Variants in EOLA2 observed in about 807,000 individuals in gnomAD.
EOLA2 encodes endothelium and lymphocyte associated ASCH domain 2.
Under a neutral mutation model 4.1 loss-of-function variants are expected in EOLA2, and 3 were observed. The observed-to-expected ratio is 0.73, with a 90% CI of 0.33 to 1.89. The LOEUF (loss-of-function observed/expected upper bound fraction) is 1.89. Among genes scored for constraint, EOLA2 ranks in the 40% most tolerant of loss-of-function variants. EOLA2 has a pLI of 0.08. For missense variants in EOLA2, 109 were observed against 126.4 expected (o/e 0.86, Z 0.66); for synonymous variants, 52 against 51.7 (o/e 1.01, Z -0.03).
intron 2 of EOLA2, among the ~76,000 whole-genome samples, chrX:149,936,722 C>T (rs1280240135): frequency 6.3e-5 from 7 of 110,793 alleles, no homozygotes; most frequent in Non-Finnish European, 1.1e-4. Flanking sequence ...TAAGCCAGCC[C>T]CTTTATGGTC....
In EOLA2 at chrX:149,938,483, TAC is replaced by T. The variant is rs1219473600; in HGVS notation, c.-503_-502del. On this transcript the variant is annotated 5_prime_UTR_variant, in exon 1 of 5. Transcript: ENST00000370406. ...CCCGTCGTCCCTTTCATGAGGAACG[TAC>T]GTGTGCGCGTAATCACGCACGTACG... The T allele has an allele frequency of 4.4e-5, 5 of 112,701 alleles. No homozygotes were observed. The highest frequency in any genetic ancestry group is 1.6e-4 in the African/African-American group (5 of 30,991). The allele number at this position is 112,701 out of a possible 1,213,427, so 9.3% of individuals were successfully genotyped here. A position where few individuals can be genotyped will look rare whatever the true frequency, so the allele number is the denominator to read the frequency against.
intron 1 of EOLA2, among the ~76,000 whole-genome samples, chrX:149,937,871 G>C (rs2124225512): frequency 8.9e-6 from 1 of 112,873 alleles, no homozygotes; most frequent in East Asian, 2.8e-4. Context: ...CTGAGCACGG[G>C]GCCACAGGCC....
At chrX:149,930,440 C>T (rs2124126571), downstream of EOLA2, 2 of 375,361 alleles carry the variant, frequency 5.3e-6, no homozygotes, top group East Asian at 9.6e-5. Context: ...AATTGTTTAT[C>T]TTTAGTCAGG....
intron 4 of EOLA2, among the ~76,000 whole-genome samples, chrX:149,933,319 G>A (rs1557374923): frequency 9.5e-6 from 1 of 105,188 alleles, no homozygotes. Flanking sequence ...ACATGTATGT[G>A]CAAATACACA....
rs192547181 is a variant in EOLA2, at chrX:149,932,536, C to T, written c.*8G>A. 5.0e-6 allele frequency: 6 copies of T among 1,199,284 alleles called. No individual in the cohort carries two copies. In the East Asian group the frequency reaches 1.8e-4, roughly 36 times the overall value. On this transcript the variant is annotated 3_prime_UTR_variant, in exon 5 of 5. Transcript: ENST00000370406. ...CTCTGGAACATTCCTTTCAGGAGCC[C>T]ACACTTGTCACACTTCATGCCCCAA... is the stretch of plus-strand genomic sequence containing the variant.
intron 2 of EOLA2, among the ~76,000 whole-genome samples, chrX:149,936,065 T>C (rs1160280565): frequency 9.8e-6 from 1 of 101,683 alleles, no homozygotes; most frequent in Non-Finnish European, 2.0e-5. Context: ...GGAATGATCT[T>C]GGTACAGGGA....
At position 149,938,442 on chromosome X, in the gene EOLA2, C is replaced by T. The variant is rs1557376840; in HGVS notation, c.-460G>A. 2 of 112,917 alleles carry T rather than the reference C, an allele frequency of 1.8e-5. No homozygotes were observed. The highest frequency in any genetic ancestry group is 3.8e-5 in the Non-Finnish European group (2 of 53,310). The allele number at this position is 112,917 out of a possible 1,213,427, so 9.3% of individuals were successfully genotyped here. A position where few individuals can be genotyped will look rare whatever the true frequency, so the allele number is the denominator to read the frequency against. On this transcript the variant is annotated 5_prime_UTR_variant, in exon 1 of 5. Transcript: ENST00000370406. ...GACAGATGCTAGCGGTCCATAACTT[C>T]GGCTTTCATGCAGCTCCCGTCGTCC...
intron 2 of EOLA2, among the ~76,000 whole-genome samples, chrX:149,935,709 C>T (rs1439393823): frequency 2.4e-4 from 25 of 104,774 alleles, no homozygotes; most frequent in African/African-American, 8.9e-4. Context: ...CAGGCCACCC[C>T]CCTTCAGACT....
At chrX:149,936,011 C>A (rs1423766660) in intron 2 of EOLA2, among the ~76,000 whole-genome samples, 5 of 90,121 alleles carry the variant, frequency 5.5e-5, no homozygotes, top group Admixed American at 1.2e-4. Flanking sequence ...CCCCCACCCC[C>A]CCCCAGCACT....
At chrX:149,937,134 G>A (rs374849400) in intron 2 of EOLA2, among the ~76,000 whole-genome samples, 1 of 109,815 alleles carries the variant, frequency 9.1e-6, no homozygotes, top group East Asian at 2.8e-4. Context: ...CACACTTGTG[G>A]CCCCTGAGCA....
intron 2 of EOLA2, among the ~76,000 whole-genome samples, chrX:149,934,925 A>T (rs1157333990): frequency 8.9e-6 from 1 of 112,118 alleles, no homozygotes; most frequent in African/African-American, 3.2e-5. Flanking sequence ...CAGTTTCCAC[A>T]TGGCTGTGAG....
downstream of EOLA2, chrX:149,931,004 A>G: frequency 1.1e-6 from 1 of 936,484 alleles, no homozygotes; most frequent in Middle Eastern, 4.5e-4. Context: ...TTACTCAGAT[A>G]ATGGTAGTGT....
chrX:149,932,532 A>G lies in EOLA2; in HGVS notation c.*12T>C. ...GTTTCTCTGGAACATTCCTTTCAGG[A>G]GCCCACACTTGTCACACTTCATGCC... is the stretch of plus-strand genomic sequence containing the variant. On this transcript the variant is annotated 3_prime_UTR_variant, in exon 5 of 5. Transcript: ENST00000370406. 1 of 1,202,332 alleles carries G rather than the reference A, an allele frequency of 8.3e-7. No individual in the cohort carries two copies. The highest frequency in any genetic ancestry group is 1.1e-6 in the Non-Finnish European group (1 of 890,417).
Position 149,933,915 on chromosome X carries a change from C to G in EOLA2, c.-29-12G>C, listed in dbSNP as rs782813556. The stretch of plus-strand genomic sequence containing the variant: ...GGGCCTCCCGTAGCCTGCGGAAGCA[C>G]AGAAGCGCATCACACGCCAGCCCTT... On this transcript the variant is annotated splice_polypyrimidine_tract_variant and intron_variant, in intron 3 of 4. Transcript: ENST00000370406. The G allele has an allele frequency of 1.3e-4, 155 of 1,186,987 alleles. 1 individual carries two copies. In the Middle Eastern group the frequency reaches 2.9e-3, roughly 22 times the overall value.
chrX:149,930,838 C>T, downstream of EOLA2: 1 of 773,921 alleles, frequency 1.3e-6, no homozygotes, highest in East Asian at 4.4e-5. Context: ...GGCGCTCTGG[C>T]ATGTGGTCCA....
intron 2 of EOLA2, chrX:149,934,626 T>C: frequency 1.3e-6 from 1 of 753,089 alleles, no homozygotes. Flanking sequence ...CACACATGCC[T>C]TCCACGTGCC....
intron 2 of EOLA2, among the ~76,000 whole-genome samples, chrX:149,935,176 C>G (rs782088560): frequency 1.2e-5 from 1 of 86,634 alleles, no homozygotes. Context: ...CCTGATAGGG[C>G]CAAAGCTGCC....
chrX:149,934,500 G>A, intron 2 of EOLA2: 1 of 753,418 alleles, frequency 1.3e-6, no homozygotes, highest in Non-Finnish European at 1.6e-6. Flanking sequence ...CACCCCTCTG[G>A]GTGCCACCTT....
intron 2 of EOLA2, among the ~76,000 whole-genome samples, chrX:149,934,734 G>T (rs1274013039): frequency 8.9e-6 from 1 of 112,477 alleles, no homozygotes; most frequent in African/African-American, 3.2e-5. Context: ...TGGCTGAGGA[G>T]AATGAGGCAC....
Sources: gnomAD v4.1 joint callset for allele counts (sites outside exome capture counted in the v4.1 genomes callset) on GRCh38, gnomAD v4.1.1 for gene constraint, MANE v1.5 for transcripts, NCBI Gene and HGNC (gene_info 2026-07-23, HGNC 2026-07-21) for gene names.